The following FOXP1 variants were observed in gnomAD, a reference collection of about 807,000 sequenced individuals.
FOXP1 encodes the protein forkhead box protein P1.
Under a neutral mutation model 98.2 loss-of-function variants are expected in FOXP1, and 15 were observed. That is an observed-to-expected ratio of 0.15 (90% CI 0.10 to 0.24). The LOEUF is 0.24. FOXP1 is among the 10% of genes least tolerant of loss of function. The pLI is 1.00. For synonymous variants in FOXP1, 371 were observed against 314.5 expected, an observed-to-expected ratio of 1.18 and a Z score of -1.90; for missense variants, 633 against 848.5, an observed-to-expected ratio of 0.75 and a Z score of 3.15.
intron 2 of FOXP1, among the ~76,000 whole-genome samples, chr3:71,509,955 G>A (rs576016668): frequency 1.8e-4 from 27 of 151,418 alleles, no homozygotes; most frequent in Admixed American, 2.0e-4. Context: ...AAGGCGAGCA[G>A]ATCACCTGAG....
chr3:70,976,253 T>A (rs1415889833), intron 17 of FOXP1, among the ~76,000 whole-genome samples: 35 of 152,208 alleles, frequency 2.3e-4, no homozygotes, highest in African/African-American at 8.2e-4. Flanking sequence ...AGGGTCTCGC[T>A]ACGTTGCCCA....
intron 4 of FOXP1, among the ~76,000 whole-genome samples, chr3:71,338,718 A>G (rs555963647): frequency 6.6e-6 from 1 of 152,302 alleles, no homozygotes; most frequent in Non-Finnish European, 1.5e-5. Context: ...ATGCCTGGCC[A>G]ATATTTTTCT....
In FOXP1 at chr3:71,163,345, G is replaced by A. The variant is rs768146061; in HGVS notation, c.180+34857C>T. ...CTTCCTTCAAGGGAACTTAGAGAGC[G>A]GGATTTTATTGCTGTGAATTCTGGT... On this transcript the variant is annotated intron_variant, in intron 6 of 20. Coordinates refer to ENST00000649528, the MANE Select transcript of FOXP1 (RefSeq NM_001349338.3). Among the ~76,000 whole-genome samples, 5 of 152,102 alleles carry A rather than the reference G, an allele frequency of 3.3e-5. No homozygotes were observed. The South Asian group carries it at 6.2e-4, about 19-fold the overall frequency.
At chr3:71,497,202 C>T (rs185187497) in intron 2 of FOXP1, among the ~76,000 whole-genome samples, 5 of 152,184 alleles carry the variant, frequency 3.3e-5, no homozygotes, top group Admixed American at 2.6e-4. Flanking sequence ...CCCCCACCCG[C>T]CTACGTAGAA....
At chr3:71,187,118 G>A (rs1372403349) in intron 6 of FOXP1, among the ~76,000 whole-genome samples, 1 of 152,184 alleles carries the variant, frequency 6.6e-6, no homozygotes, top group African/African-American at 2.4e-5. Flanking sequence ...CTTATACCTA[G>A]CCCCTACTCA....
chr3:71,434,480 G>C (rs150164891), intron 3 of FOXP1, among the ~76,000 whole-genome samples: 1 of 152,138 alleles, frequency 6.6e-6, no homozygotes, highest in African/African-American at 2.4e-5. Context: ...GAGGCCTTAC[G>C]TTTTAAAAGT....
chr3:71,073,494 A>C (rs543648136), intron 7 of FOXP1, among the ~76,000 whole-genome samples: 1 of 152,226 alleles, frequency 6.6e-6, no homozygotes, highest in Non-Finnish European at 1.5e-5. Flanking sequence ...CACTGCACAT[A>C]GAGAAGGCTA....
intron 5 of FOXP1, among the ~76,000 whole-genome samples, chr3:71,207,681 G>A (rs2064151726): frequency 6.6e-6 from 1 of 152,066 alleles, no homozygotes; most frequent in Non-Finnish European, 1.5e-5. Flanking sequence ...AATGCTAGGA[G>A]AGCATACCTC....
At chr3:71,104,065 A>C (rs1479539282) in intron 7 of FOXP1, among the ~76,000 whole-genome samples, 1 of 152,168 alleles carries the variant, frequency 6.6e-6, no homozygotes, top group Non-Finnish European at 1.5e-5. Context: ...TCAAAATTCC[A>C]GGAAGAGTAT....
intron 3 of FOXP1, among the ~76,000 whole-genome samples, chr3:71,385,129 C>T (rs2108079020): frequency 6.6e-6 from 1 of 151,838 alleles, no homozygotes; most frequent in African/African-American, 2.4e-5. Flanking sequence ...AAAATCCTAA[C>T]TGCAATCCTT....
chr3:71,213,482 T>TAATTG (rs1180926508), intron 5 of FOXP1, among the ~76,000 whole-genome samples: 2 of 152,218 alleles, frequency 1.3e-5, no homozygotes, highest in Non-Finnish European at 2.9e-5. Flanking sequence ...AAATCTTTTT[T>TAATTG]AAGGCACCCC....
chr3:71,000,794 A>AAAAATAAAATAAAAT lies in FOXP1; in HGVS notation c.1062+163_1062+177dup, dbSNP rs59993750. Among the ~76,000 whole-genome samples the AAAAATAAAATAAAAT allele has an allele frequency of 0.067, 8,180 of 122,034 alleles. 669 individuals are homozygous for AAAAATAAAATAAAAT. Among genetic ancestry groups the AAAAATAAAATAAAAT allele is most frequent in the African/African-American group, 0.18 (5,344 of 29,778 alleles). The allele number at this position is 122,034 out of a possible 152,430, so 80.1% of individuals were successfully genotyped here. A position where few individuals can be genotyped will look rare whatever the true frequency, so the allele number is the denominator to read the frequency against. On this transcript the variant is annotated intron_variant, in intron 13 of 20. Coordinates refer to ENST00000649528, the MANE Select transcript of FOXP1 (RefSeq NM_001349338.3). The stretch of plus-strand genomic sequence containing the variant: ...GGGGCTGAACCTGCCCAAAGAGGTA[A>AAAAATAAAATAAAAT]AAAATAAAATAAAATAAAATAAAAT...
intron 2 of FOXP1, among the ~76,000 whole-genome samples, chr3:71,535,408 G>A (rs560038831): frequency 1.9e-4 from 29 of 152,184 alleles, no homozygotes; most frequent in Admixed American, 2.6e-4. Flanking sequence ...GATATGCAGC[G>A]AGAAACAGGG....
At chr3:71,067,336 T>A (rs2052637261) in intron 7 of FOXP1, among the ~76,000 whole-genome samples, 1 of 152,180 alleles carries the variant, frequency 6.6e-6, no homozygotes, top group Non-Finnish European at 1.5e-5. Context: ...TATTTGGGAT[T>A]CAGGAAGAAC....
At chr3:71,265,990 C>A (rs954965135) in intron 5 of FOXP1, among the ~76,000 whole-genome samples, 1 of 152,172 alleles carries the variant, frequency 6.6e-6, no homozygotes, top group African/African-American at 2.4e-5. Flanking sequence ...TCTTGACCAA[C>A]CAGGCACACA....
intron 11 of FOXP1, among the ~76,000 whole-genome samples, chr3:71,033,578 T>C (rs1159191407): frequency 7.5e-6 from 1 of 133,584 alleles, no homozygotes; most frequent in Non-Finnish European, 1.6e-5. Context: ...TTTTTTTGTT[T>C]AATCACCCCA....
chr3:71,137,122 G>C (rs151033963), intron 6 of FOXP1, among the ~76,000 whole-genome samples: 266 of 152,306 alleles, frequency 1.7e-3, no homozygotes, highest in Non-Finnish European at 3.0e-3. Context: ...TGGGTGGTGG[G>C]AGAGTATCTC....
At chr3:71,390,073 G>A (rs1003116246) in intron 3 of FOXP1, among the ~76,000 whole-genome samples, 8 of 152,144 alleles carry the variant, frequency 5.3e-5, no homozygotes, top group African/African-American at 1.9e-4. Context: ...CGAAGGCATC[G>A]AAGGGCTCGG....
At chr3:71,340,635 T>C (rs2076957003) in intron 4 of FOXP1, among the ~76,000 whole-genome samples, 1 of 152,234 alleles carries the variant, frequency 6.6e-6, no homozygotes, top group African/African-American at 2.4e-5. Context: ...GACGAAACAA[T>C]GATCTGGGTA....
Sources: gnomAD v4.1 joint callset for allele counts (sites outside exome capture counted in the v4.1 genomes callset) on GRCh38, gnomAD v4.1.1 for gene constraint, MANE v1.5 for transcripts, NCBI Gene and HGNC (gene_info 2026-07-23, HGNC 2026-07-21) for gene names.